Variants in OGDH observed in about 807,000 individuals in gnomAD.
OGDH encodes 2-oxoglutarate dehydrogenase complex component E1.
A neutral mutation model predicts 116.6 loss-of-function variants in OGDH; 38 were observed. The ratio of observed to expected loss-of-function variants is 0.33; its 90% CI spans 0.25 to 0.43. The LOEUF is 0.43. Ranked by LOEUF, OGDH falls within the 20% of genes least tolerant of loss-of-function variation. The probability of loss-of-function intolerance (pLI) is 1.00; values close to 1 mark genes in which losing one functional copy is unlikely to be tolerated. For synonymous variants in OGDH, 488 were observed against 533.3 expected (o/e 0.92, Z 1.17); for missense variants, 825 against 1,357.2 (o/e 0.61, Z 6.16).
chr7:44,696,676 C>T (rs1481048481), intron 14 of OGDH, 119 bp downstream of exon 14: 2 of 1,429,652 alleles, frequency 1.4e-6, no homozygotes, highest in Non-Finnish European at 1.9e-6. Flanking sequence ...CCCTTCCTGC[C>T]CTGCTCAAGG....
chr7:44,628,004 A>G (rs1343694919), intron 2 of OGDH, among the ~76,000 whole-genome samples: 1 of 152,134 alleles, frequency 6.6e-6, no homozygotes, highest in Non-Finnish European at 1.5e-5. Flanking sequence ...TCTGTGTTTT[A>G]TAGTGTTTCC....
At chr7:44,641,209 C>CTTTTTTTTTT (rs781147896) in intron 2 of OGDH, among the ~76,000 whole-genome samples, 82 of 108,428 alleles carry the variant, frequency 7.6e-4, no homozygotes, top group Non-Finnish European at 1.2e-3. Flanking sequence ...CCTTTTTCTT[C>CTTTTTTTTTT]TTTTTTTTTT....
rs1016820796 is a variant in OGDH at position 44,606,645 on chromosome 7, C to T, written c.-36C>T. 2 of 152,280 alleles carry T rather than the reference C, an allele frequency of 1.3e-5. No homozygotes were observed. Among genetic ancestry groups the T allele is most frequent in the African/African-American group, 2.4e-5 (1 of 41,448 alleles). The allele number at this position is 152,280 out of a possible 1,614,324, so 9.4% of individuals were successfully genotyped here. On this transcript the variant is annotated 5_prime_UTR_variant, in exon 1 of 23. Coordinates refer to ENST00000222673, the MANE Select transcript of OGDH (RefSeq NM_002541.4). The stretch of plus-strand genomic sequence containing the variant: ...GCGCCTCATTCGGGTGGAGCTGAGC[C>T]GGAGACAGGTAACCGTGCGCTGTCG...
At chr7:44,656,247 CT>C in intron 4 of OGDH, 1 of 1,486,594 alleles carries the variant, frequency 6.7e-7, no homozygotes, top group South Asian at 1.2e-5. Context: ...GTGTTTGGGT[CT>C]TTTTTAAACT....
intron 4 of OGDH, among the ~76,000 whole-genome samples, chr7:44,656,908 G>A (rs1786715812): frequency 6.6e-6 from 1 of 152,234 alleles, no homozygotes; most frequent in Admixed American, 6.5e-5. Flanking sequence ...GGAATCCAGA[G>A]TCGAAATGCT....
In OGDH at chr7:44,697,449, G is replaced by A; in HGVS notation, c.2131G>A (p.Ala711Thr). The A allele has an allele frequency of 2.5e-6, 4 of 1,614,130 alleles. No individual in the cohort carries two copies. Among genetic ancestry groups the A allele is most frequent in the Non-Finnish European group, 3.4e-6 (4 of 1,180,030 alleles). Residue 711 changes from alanine (A) to threonine (T), a missense_variant, in exon 16 of 23, where the codon GCC (alanine) becomes ACC (threonine). Coordinates refer to ENST00000222673, the MANE Select transcript of OGDH (RefSeq NM_002541.4). This position sits in a 1 kb window ranked among gnomAD's most constrained non-coding sequence, Gnocchi z 6.0. ...IPMNHLWPNQAPYTVCNSSLS... is the reference protein window; with the variant it reads ...IPMNHLWPNQTPYTVCNSSLS... ...CATGAACCATCTCTGGCCCAATCAG[G>A]CCCCCTATACTGTGTGCAACAGCTC...
chr7:44,606,676 C>T (rs1301045652), intron 1 of OGDH, 23 bp downstream of exon 1: 1 of 152,298 alleles, frequency 6.6e-6, no homozygotes, highest in Non-Finnish European at 1.5e-5. Flanking sequence ...TGTCGCCGCG[C>T]CCGTCCCAGT....
At chr7:44,680,606 G>A (rs1166034572) in intron 9 of OGDH, among the ~76,000 whole-genome samples, 1 of 151,686 alleles carries the variant, frequency 6.6e-6, no homozygotes, top group Admixed American at 6.6e-5. Flanking sequence ...GCCTGCATAT[G>A]CACACATGTA....
intron 2 of OGDH, among the ~76,000 whole-genome samples, chr7:44,635,620 A>G (rs1157955404): frequency 6.6e-6 from 1 of 152,174 alleles, no homozygotes; most frequent in Non-Finnish European, 1.5e-5. Context: ...ACCCGTAGTC[A>G]TAGAGCTTGG....
At chr7:44,630,971 G>A (rs1274683453) in intron 2 of OGDH, among the ~76,000 whole-genome samples, 2 of 152,088 alleles carry the variant, frequency 1.3e-5, no homozygotes, top group Admixed American at 6.6e-5. Flanking sequence ...TAATGCCCCC[G>A]CTGATGTGAC....
Position 44,674,649 on chromosome 7 carries a change from T to G in OGDH, c.935+92T>G, listed in dbSNP as rs376565313. On this transcript the variant is annotated intron_variant, in intron 7 of 22. Transcript: ENST00000222673. ...TAAAGGCACTGAGAGAGCAGCTGTT[T>G]CCTCCTTGAGTGCCAGTTGTGAGTC... 556 of 1,427,324 alleles carry G rather than the reference T, an allele frequency of 3.9e-4. 10 individuals are homozygous for G. The South Asian group carries it at 6.6e-3, about 17-fold the overall frequency. The allele number at this position is 1,427,324 out of a possible 1,614,324, so 88.4% of individuals were successfully genotyped here.
In OGDH at chr7:44,608,138, C is replaced by CA. The variant is rs542563230; in HGVS notation, c.-28+1486dup. 2.8e-3 allele frequency among the ~76,000 whole-genome samples: 421 copies of CA among 152,238 alleles called. 1 individual carries two copies. The highest frequency in any genetic ancestry group is 0.014 in the Middle Eastern group (4 of 294). The stretch of plus-strand genomic sequence containing the variant: ...ACAATTTCGGCCAGTCGTGGTGGCT[C>CA]ACGTTTGTAATCCCCACACTTTGGG... On this transcript the variant is annotated intron_variant, in intron 1 of 22. Coordinates refer to ENST00000222673, the MANE Select transcript of OGDH (RefSeq NM_002541.4).
Position 44,707,853 on chromosome 7 carries a change from C to A in OGDH, c.2952-26C>A. ...GGGCCAACTCAGTGTCCCCTGCCCT[C>A]ACTGCCCCCTCCCTCCATCTCTCAG... On this transcript the variant is annotated intron_variant, in intron 22 of 22. Transcript: ENST00000222673. The surrounding 1 kb of genome is among the most constrained non-coding windows in gnomAD (Gnocchi z 5.2). 1 of 1,610,252 alleles carries A rather than the reference C, an allele frequency of 6.2e-7. No individual in the cohort carries two copies. Among genetic ancestry groups the A allele is most frequent in the Non-Finnish European group, 8.5e-7 (1 of 1,178,188 alleles).
intron 1 of OGDH, among the ~76,000 whole-genome samples, chr7:44,623,637 T>G (rs1010232625): frequency 1.3e-5 from 1 of 76,134 alleles, no homozygotes; most frequent in Non-Finnish European, 4.1e-5. Context: ...TAAACTAGAT[T>G]TAATGGTTTT....
chr7:44,701,131 TC>T (rs906974185), intron 19 of OGDH, among the ~76,000 whole-genome samples: 15 of 152,278 alleles, frequency 9.9e-5, no homozygotes, highest in African/African-American at 3.6e-4. Context: ...GCTCGGAGTG[TC>T]CCCAGCAGTC....
At chr7:44,614,602 CT>C (rs1348660323) in intron 1 of OGDH, among the ~76,000 whole-genome samples, 1 of 151,894 alleles carries the variant, frequency 6.6e-6, no homozygotes, top group Non-Finnish European at 1.5e-5. Flanking sequence ...AAGCTTTTTT[CT>C]TTTGCTTAGT....
At chr7:44,663,573 A>G (rs1160304529) in intron 4 of OGDH, among the ~76,000 whole-genome samples, 3 of 152,236 alleles carry the variant, frequency 2.0e-5, no homozygotes, top group African/African-American at 4.8e-5. Flanking sequence ...GTTCTAGACC[A>G]GCTTGGCCAA....
Position 44,694,682 on chromosome 7 carries a change from C to T in OGDH, c.1668+106C>T, listed in dbSNP as rs1013883167. On this transcript the variant is annotated intron_variant, in intron 12 of 22. Coordinates refer to ENST00000222673, the MANE Select transcript of OGDH (RefSeq NM_002541.4). The surrounding 1 kb of genome is among the most constrained non-coding windows in gnomAD (Gnocchi z 4.2). The stretch of plus-strand genomic sequence containing the variant: ...CACTTTTGCCAGTTATGAGGATACA[C>T]GTGAGAGGATGTGAAATATTTACAA... The T allele has an allele frequency of 6.4e-6, 8 of 1,258,164 alleles. No individual in the cohort carries two copies. The highest frequency in any genetic ancestry group is 5.9e-5 in the African/African-American group (4 of 67,290). 77.9% of individuals were successfully genotyped at this position (1,258,164 alleles called of 1,614,324 possible).
At chr7:44,646,742 C>T (rs995086681) in intron 3 of OGDH, among the ~76,000 whole-genome samples, 7 of 152,134 alleles carry the variant, frequency 4.6e-5, no homozygotes, top group Admixed American at 4.6e-4. Context: ...AAATCAGATG[C>T]TTTAAGTCTG....
Sources: allele counts gnomAD v4.1 joint callset (sites outside exome capture counted in the v4.1 genomes callset), GRCh38; gene constraint gnomAD v4.1.1; non-coding constraint Gnocchi (gnomAD v3.1); transcripts MANE v1.5; gene names NCBI Gene and HGNC (gene_info 2026-07-23, HGNC 2026-07-21).